The following RBFOX1 variants were observed in gnomAD, a reference collection of about 807,000 sequenced individuals.
The protein encoded by RBFOX1 is RNA binding fox-1 homolog 1, also known as RNA binding protein fox-1 homolog 1.
A neutral mutation model predicts 57.7 loss-of-function variants in RBFOX1; 8 were observed. That is an observed-to-expected ratio of 0.14 (90% CI 0.08 to 0.25). The LOEUF is 0.25. Among genes scored for constraint, RBFOX1 ranks in the 10% least tolerant of loss-of-function variants. The pLI is 1.00. For missense variants in RBFOX1, 611 were observed against 548.5 expected (o/e 1.11, Z -1.14); for synonymous variants, 326 against 222.4 (o/e 1.47, Z -4.15).
At chr16:6,878,505 A>G (rs1481572116) in intron 3 of RBFOX1, among the ~76,000 whole-genome samples, 4 of 152,220 alleles carry the variant, frequency 2.6e-5, no homozygotes, top group African/African-American at 9.6e-5. Flanking sequence ...TGAGCAAGAA[A>G]TAAACTTTTG....
intron 2 of RBFOX1, among the ~76,000 whole-genome samples, chr16:5,555,825 G>C (rs757263534): frequency 1.9e-4 from 29 of 151,914 alleles, no homozygotes; most frequent in Non-Finnish European, 2.9e-4. Flanking sequence ...AGTTCGAGAC[G>C]AGCCTCACCA....
chr16:7,337,554 A>G (rs1418647865), intron 4 of RBFOX1, among the ~76,000 whole-genome samples: 1 of 152,208 alleles, frequency 6.6e-6, no homozygotes, highest in Admixed American at 6.5e-5. Flanking sequence ...AACATAGGTC[A>G]AAAGGAGCTG....
At chr16:5,597,566 G>A (rs11076945) in intron 2 of RBFOX1, among the ~76,000 whole-genome samples, 30,505 of 151,662 alleles carry the variant, frequency 0.2, 3,192 homozygotes, top group Non-Finnish European at 0.21. Flanking sequence ...CAGCCTGGCT[G>A]ATTTTGTACT....
chr16:5,331,781 G>A (rs2064764142), intron 1 of RBFOX1, among the ~76,000 whole-genome samples: 1 of 152,244 alleles, frequency 6.6e-6, no homozygotes, highest in African/African-American at 2.4e-5. Flanking sequence ...TAGCCTTGTA[G>A]AAGTCACTGA....
rs74700979 is a variant in RBFOX1 at position 5,537,068 on chromosome 16, C to G, written c.259-61834C>G. 8.3e-4 allele frequency among the ~76,000 whole-genome samples: 127 copies of G among 152,272 alleles called. 2 individuals carry two copies. In the East Asian group the frequency reaches 0.02, roughly 24 times the overall value. ...CCTTTTGAGTACTCACTGGAAGCATCCTTAGTGTCCATGTTTCTTGTACTT... is the reference window on the plus strand; with the variant it reads ...CCTTTTGAGTACTCACTGGAAGCATGCTTAGTGTCCATGTTTCTTGTACTT... On this transcript the variant is annotated intron_variant, in intron 2 of 2. Coordinates refer to the RBFOX1 transcript ENST00000585867.
Position 7,216,758 on chromosome 16 carries a change from T to C in RBFOX1, c.27+164660T>C, listed in dbSNP as rs558123953. Among the ~76,000 whole-genome samples the C allele has an allele frequency of 2.6e-4, 40 of 152,344 alleles. No individual in the cohort carries two copies. The East Asian group carries it at 7.1e-3, about 27-fold the overall frequency. The stretch of plus-strand genomic sequence containing the variant: ...ACTCCAGAAGCCTGAGCTATTGTTA[T>C]AATTCCTCTTTTCATTACAGAAAAA... On this transcript the variant is annotated intron_variant, in intron 4 of 15. Coordinates refer to ENST00000550418, the MANE Select transcript of RBFOX1 (RefSeq NM_018723.4).
At chr16:7,671,445 A>G in intron 13 of RBFOX1, 2 of 1,006,808 alleles carry the variant, frequency 2.0e-6, no homozygotes, top group East Asian at 2.5e-5. Flanking sequence ...TTGGTGAAGT[A>G]AGAGAGAAGC....
intron 4 of RBFOX1, among the ~76,000 whole-genome samples, chr16:6,012,317 G>A (rs1253940780): frequency 6.6e-6 from 1 of 152,196 alleles, no homozygotes; most frequent in Non-Finnish European, 1.5e-5. Flanking sequence ...CTAAATGTAT[G>A]CTAATTGCTA....
chr16:6,836,725 A>C (rs116972011), intron 3 of RBFOX1, among the ~76,000 whole-genome samples: 1 of 152,162 alleles, frequency 6.6e-6, no homozygotes, highest in Non-Finnish European at 1.5e-5. Flanking sequence ...ACAATAACAT[A>C]GTTCTTTGCA....
At chr16:6,804,402 C>T (rs942904543) in intron 3 of RBFOX1, among the ~76,000 whole-genome samples, 1 of 152,104 alleles carries the variant, frequency 6.6e-6, no homozygotes, top group African/African-American at 2.4e-5. Context: ...CCATCTAGCC[C>T]TGCAGTATTT....
At chr16:6,506,522 C>G (rs1203239989) in intron 2 of RBFOX1, among the ~76,000 whole-genome samples, 1 of 151,420 alleles carries the variant, frequency 6.6e-6, no homozygotes, top group Non-Finnish European at 1.5e-5. Flanking sequence ...TAAGTGGGGA[C>G]CATTTATAAA....
intron 4 of RBFOX1, among the ~76,000 whole-genome samples, chr16:7,346,037 C>G (rs2096995237): frequency 6.6e-6 from 1 of 152,110 alleles, no homozygotes; most frequent in African/African-American, 2.4e-5. Context: ...TCCAAGTGTT[C>G]TCATTGTTCA....
chr16:7,006,850 C>G (rs2068613905), intron 3 of RBFOX1, among the ~76,000 whole-genome samples: 1 of 152,216 alleles, frequency 6.6e-6, no homozygotes, highest in African/African-American at 2.4e-5. Context: ...TGGAATCACA[C>G]TTTGAACCCT....
At chr16:7,517,138 CGTGTGTGTGT>C (rs200887129) in intron 4 of RBFOX1, among the ~76,000 whole-genome samples, 17,371 of 130,064 alleles carry the variant, frequency 0.13, 1,347 homozygotes, top group East Asian at 0.35. Context: ...TTTCTTATGC[CGTGTGTGTGT>C]GTGTGTGTGT....
chr16:6,956,214 C>A (rs190144437), intron 3 of RBFOX1, among the ~76,000 whole-genome samples: 1 of 152,074 alleles, frequency 6.6e-6, no homozygotes, highest in African/African-American at 2.4e-5. Context: ...CACAGGAGAT[C>A]GTGCAGAGAG....
intron 1 of RBFOX1, among the ~76,000 whole-genome samples, chr16:5,465,999 C>A (rs2068941121): frequency 6.6e-6 from 1 of 152,088 alleles, no homozygotes; most frequent in East Asian, 1.9e-4. Context: ...GGTTTTGGGG[C>A]AATTTCCTTG....
At chr16:6,359,573 C>A (rs1387234914) in intron 2 of RBFOX1, among the ~76,000 whole-genome samples, 5 of 152,280 alleles carry the variant, frequency 3.3e-5, no homozygotes, top group Non-Finnish European at 2.9e-5. Context: ...TTAACTATTG[C>A]TTTGCCACTG....
intron 3 of RBFOX1, among the ~76,000 whole-genome samples, chr16:5,732,471 C>G (rs1039787018): frequency 1.3e-5 from 2 of 152,148 alleles, no homozygotes; most frequent in African/African-American, 4.8e-5. Flanking sequence ...AGCGAGTTGG[C>G]TCTAGGGCAC....
intron 1 of RBFOX1, among the ~76,000 whole-genome samples, chr16:5,459,184 C>A (rs915916168): frequency 1.3e-5 from 2 of 152,232 alleles, no homozygotes; most frequent in Non-Finnish European, 2.9e-5. Context: ...GACATATGAT[C>A]TCCACATGTG....
Sources: allele counts gnomAD v4.1 joint callset (sites outside exome capture counted in the v4.1 genomes callset), GRCh38; gene constraint gnomAD v4.1.1; transcripts MANE v1.5; gene names NCBI Gene and HGNC (gene_info 2026-07-23, HGNC 2026-07-21).